The following CAMTA1 variants were observed in gnomAD, a reference collection of about 807,000 sequenced individuals.
CAMTA1 encodes the protein calmodulin binding transcription activator 1.
CAMTA1 carries 27 observed loss-of-function variants against 170.9 expected under a neutral mutation model. The ratio of observed to expected loss-of-function variants is 0.16; its 90% CI spans 0.12 to 0.22. The LOEUF (loss-of-function observed/expected upper bound fraction) is 0.22, where lower values mean the gene tolerates loss of function less well. CAMTA1 is among the 10% of genes least tolerant of loss of function. The pLI is 1.00. For synonymous variants in CAMTA1, 833 were observed against 891.5 expected, an observed-to-expected ratio of 0.93 and a Z score of 1.17; for missense variants, 1,619 against 2,217.2, an observed-to-expected ratio of 0.73 and a Z score of 5.42.
intron 3 of CAMTA1, among the ~76,000 whole-genome samples, chr1:7,009,137 T>C (rs372015848): frequency 1.3e-4 from 20 of 152,320 alleles, no homozygotes; most frequent in African/African-American, 4.8e-4. Context: ...GCAGGGGCCT[T>C]GGCCATGTCC....
At chr1:7,631,097 T>C (rs1309349555) in intron 6 of CAMTA1, among the ~76,000 whole-genome samples, 1 of 152,180 alleles carries the variant, frequency 6.6e-6, no homozygotes, top group African/African-American at 2.4e-5. Flanking sequence ...GAGGGTGTTC[T>C]AACTACTGTG....
Position 6,937,549 on chromosome 1 carries a change from AC to A in CAMTA1, c.234+112340del, listed in dbSNP as rs1685607416. 2.0e-4 allele frequency among the ~76,000 whole-genome samples: 10 copies of A among 49,172 alleles called. 1 individual carries two copies. The highest frequency in any genetic ancestry group is 3.6e-4 in the Non-Finnish European group (8 of 21,996). The allele number at this position is 49,172 out of a possible 152,430, so 32.3% of individuals were successfully genotyped here. ...TCACCATCACCATTCACCACTTACC[AC>A]TACCATCATCACCATTCACCACTTA... On this transcript the variant is annotated intron_variant, in intron 3 of 22. Transcript: ENST00000303635.
At position 7,633,141 on chromosome 1, in the gene CAMTA1, C is replaced by T. The variant is rs1214313740; in HGVS notation, c.511-7259C>T. ...GAGGAAAGGCCCTCAGCTTGTCCCC[C>T]GTCCTCTCTTTGTCCCTGCAGTTTG... On this transcript the variant is annotated intron_variant, in intron 6 of 22. Transcript: ENST00000303635. This position sits in a 1 kb window ranked among gnomAD's most constrained non-coding sequence, Gnocchi z 4.1. 9.9e-5 allele frequency among the ~76,000 whole-genome samples: 15 copies of T among 152,250 alleles called. No individual in the cohort carries two copies. The highest frequency in any genetic ancestry group is 8.5e-4 in the Admixed American group (13 of 15,292).
At chr1:7,477,957 C>T (rs751712175) in intron 6 of CAMTA1, among the ~76,000 whole-genome samples, 1 of 152,254 alleles carries the variant, frequency 6.6e-6, no homozygotes, top group Non-Finnish European at 1.5e-5. Flanking sequence ...AATTCATCAC[C>T]ACCCTTATGA....
At chr1:7,537,190 C>T (rs561686156) in intron 6 of CAMTA1, among the ~76,000 whole-genome samples, 2 of 152,278 alleles carry the variant, frequency 1.3e-5, no homozygotes, top group African/African-American at 4.8e-5. Flanking sequence ...CATTGCCCCA[C>T]GGTTTATGGG....
intron 3 of CAMTA1, among the ~76,000 whole-genome samples, chr1:7,089,821 A>T (rs946061060): frequency 6.6e-6 from 1 of 152,206 alleles, no homozygotes; most frequent in African/African-American, 2.4e-5. Context: ...CGCCATCATG[A>T]ATAGTTAGGG....
chr1:6,949,514 T>C (rs1009589565), intron 3 of CAMTA1, among the ~76,000 whole-genome samples: 3 of 152,172 alleles, frequency 2.0e-5, no homozygotes, highest in Non-Finnish European at 4.4e-5. Flanking sequence ...ATCACAGAAC[T>C]CCGGCTGAGC....
At chr1:7,279,487 G>A (rs1671203527) in intron 5 of CAMTA1, among the ~76,000 whole-genome samples, 2 of 152,160 alleles carry the variant, frequency 1.3e-5, no homozygotes, top group Non-Finnish European at 2.9e-5. Context: ...AGCTGTCAAT[G>A]TCATAAGTCA....
intron 5 of CAMTA1, among the ~76,000 whole-genome samples, chr1:7,412,287 C>T (rs1396303060): frequency 2.0e-5 from 3 of 151,912 alleles, no homozygotes; most frequent in African/African-American, 7.3e-5. Context: ...AATGGGATGG[C>T]TGGGTCAAAT....
In CAMTA1 at chr1:7,737,989, A is replaced by G; in HGVS notation, c.3689A>G (p.Asn1230Ser). Residue 1230 changes from asparagine (N) to serine (S), a missense_variant, in exon 16 of 23, where the codon AAT becomes AGT. Around this residue, in one of 8 missense-constraint regions of CAMTA1, gnomAD observed 370 missense variants for 429.4 expected, o/e 0.86. Coordinates refer to ENST00000303635, the MANE Select transcript of CAMTA1 (RefSeq NM_015215.4). ...ELRRPRSEPS[N>S]YYSSESHKDY... ...AGAAGACCTCGTTCTGAACCCTCTAATTACTACAGCAGTGAGAGCCACAAA... is the reference window on the plus strand; with the variant it reads ...AGAAGACCTCGTTCTGAACCCTCTAGTTACTACAGCAGTGAGAGCCACAAA... The G allele has an allele frequency of 6.2e-7, 1 of 1,613,094 alleles. No individual in the cohort carries two copies. The highest frequency in any genetic ancestry group is 8.5e-7 in the Non-Finnish European group (1 of 1,179,264).
intron 5 of CAMTA1, chr1:7,388,249 G>T (rs1354206405): frequency 2.0e-5 from 3 of 152,394 alleles, no homozygotes; most frequent in South Asian, 2.1e-4. Context: ...GATGTGAGCG[G>T]CAGAGCTGCA....
At chr1:6,844,690 CAAAAAA>C (rs1180942073) in intron 3 of CAMTA1, among the ~76,000 whole-genome samples, 1,489 of 52,088 alleles carry the variant, frequency 0.029, 14 homozygotes, top group South Asian at 0.081. Flanking sequence ...ACCCTGTGTC[CAAAAAA>C]AAAAAAAAAA....
chr1:7,174,605 A>G (rs1650373331), intron 4 of CAMTA1, among the ~76,000 whole-genome samples: 3 of 152,154 alleles, frequency 2.0e-5, no homozygotes, highest in Admixed American at 6.5e-5. Context: ...TGGGGGGACC[A>G]CTTCTGAGGG....
At chr1:6,846,242 T>A (rs1049950998) in intron 3 of CAMTA1, among the ~76,000 whole-genome samples, 1 of 152,258 alleles carries the variant, frequency 6.6e-6, no homozygotes. Flanking sequence ...ATTTCTTTAC[T>A]TATACTTAAA....
chr1:7,625,076 T>C (rs1201809689), intron 6 of CAMTA1, among the ~76,000 whole-genome samples: 1 of 152,266 alleles, frequency 6.6e-6, no homozygotes, highest in East Asian at 1.9e-4. Context: ...CAGCCGATCA[T>C]GGAGGCCATT....
chr1:7,181,745 T>C (rs1652206140), intron 4 of CAMTA1, among the ~76,000 whole-genome samples: 1 of 143,316 alleles, frequency 7.0e-6, no homozygotes, highest in Admixed American at 7.1e-5. Context: ...CATCCCTTGA[T>C]TTTGGATGGA....
In CAMTA1 at chr1:7,036,527, C is replaced by T. The variant is rs74461930; in HGVS notation, c.235-54777C>T. Among the ~76,000 whole-genome samples, 918 of 152,296 alleles carry T rather than the reference C, an allele frequency of 6.0e-3. 5 individuals carry two copies. The highest frequency in any genetic ancestry group is 0.021 in the African/African-American group (857 of 41,550). ...TACGATCCTAATTCCACAACAGAGACGACTAGCATTCAGAAAGGTTAAGTT... is the reference window on the plus strand; with the variant it reads ...TACGATCCTAATTCCACAACAGAGATGACTAGCATTCAGAAAGGTTAAGTT... On this transcript the variant is annotated intron_variant, in intron 3 of 22. Transcript: ENST00000303635.
rs139798225 is a variant in CAMTA1, at chr1:7,104,574, C to T, written c.302+13203C>T. Among the ~76,000 whole-genome samples, 347 of 152,300 alleles carry T rather than the reference C, an allele frequency of 2.3e-3. 2 individuals carry two copies. The highest frequency in any genetic ancestry group is 7.9e-3 in the African/African-American group (328 of 41,558). ...GCTCCAAGCACCAAGCTTTGGTTCC[C>T]CTTGAATGCCAGCTGCTCAGATTTG... is the stretch of plus-strand genomic sequence containing the variant. On this transcript the variant is annotated intron_variant, in intron 4 of 22. Transcript: ENST00000303635.
chr1:7,573,538 C>G (rs1160193536), intron 6 of CAMTA1, among the ~76,000 whole-genome samples: 1 of 152,206 alleles, frequency 6.6e-6, no homozygotes, highest in African/African-American at 2.4e-5. Context: ...CAGAGATGTC[C>G]AAAACCACAG....
Sources: allele counts gnomAD v4.1 joint callset (sites outside exome capture counted in the v4.1 genomes callset), GRCh38; gene constraint gnomAD v4.1.1; regional missense constraint gnomAD v4.1.1; non-coding constraint Gnocchi (gnomAD v3.1); transcripts MANE v1.5; gene names NCBI Gene and HGNC (gene_info 2026-07-23, HGNC 2026-07-21).